Variants in UBE2L3 observed in about 807,000 individuals in gnomAD.
UBE2L3 encodes ubiquitin-conjugating enzyme E2 L3.
Under a neutral mutation model 17.8 loss-of-function variants are expected in UBE2L3, and 1 was observed. That is an observed-to-expected ratio of 0.06 (90% CI 0.02 to 0.27). The LOEUF (loss-of-function observed/expected upper bound fraction) is 0.27. Among genes scored for constraint, UBE2L3 ranks in the 10% least tolerant of loss-of-function variants. The pLI is 1.00. For missense variants in UBE2L3, 40 were observed against 192.6 expected, an observed-to-expected ratio of 0.21 and a Z score of 4.69; for synonymous variants, 44 against 68.5, an observed-to-expected ratio of 0.64 and a Z score of 1.76.
chr22:21,597,274 C>G (rs1199540370), intron 2 of UBE2L3, among the ~76,000 whole-genome samples: 2 of 152,110 alleles, frequency 1.3e-5, no homozygotes, highest in Non-Finnish European at 2.9e-5. Context: ...GCCACCGTGC[C>G]TGGCCTGATG....
intron 2 of UBE2L3, among the ~76,000 whole-genome samples, chr22:21,602,846 A>T (rs1269280820): frequency 1.3e-5 from 2 of 152,170 alleles, no homozygotes; most frequent in African/African-American, 4.8e-5. Flanking sequence ...GGTGATGAGG[A>T]TGGGCCCAGA....
intron 1 of UBE2L3, among the ~76,000 whole-genome samples, chr22:21,584,679 G>T (rs1255497475): frequency 6.7e-6 from 1 of 150,372 alleles, no homozygotes; most frequent in African/African-American, 2.4e-5. Context: ...TGATTTTCCC[G>T]CTTCGGCAAC....
At chr22:21,585,450 T>C (rs897635950) in intron 1 of UBE2L3, among the ~76,000 whole-genome samples, 4 of 152,198 alleles carry the variant, frequency 2.6e-5, no homozygotes, top group African/African-American at 9.6e-5. Flanking sequence ...TTCCCTGATA[T>C]GTGGTACCTA....
chr22:21,620,153 G>T (rs1249547635), intron 3 of UBE2L3, among the ~76,000 whole-genome samples: 1 of 152,002 alleles, frequency 6.6e-6, no homozygotes, highest in Non-Finnish European at 1.5e-5. Context: ...CAGGAGCAGT[G>T]GCTAACACCC....
At chr22:21,598,399 T>C (rs1193974072) in intron 2 of UBE2L3, among the ~76,000 whole-genome samples, 3 of 152,108 alleles carry the variant, frequency 2.0e-5, no homozygotes, top group East Asian at 3.9e-4. Flanking sequence ...CATTTTTTTT[T>C]CTGAGGATAT....
intron 1 of UBE2L3, among the ~76,000 whole-genome samples, chr22:21,586,512 C>A (rs1238622653): frequency 6.6e-6 from 1 of 151,056 alleles, no homozygotes; most frequent in Non-Finnish European, 1.5e-5. Context: ...CTCAAGTGAT[C>A]CGCCCACCTC....
chr22:21,568,784 C>A (rs1385743187), intron 1 of UBE2L3, among the ~76,000 whole-genome samples: 1 of 152,072 alleles, frequency 6.6e-6, no homozygotes, highest in East Asian at 1.9e-4. Flanking sequence ...AGATAAAGAG[C>A]TGGGGTTCGT....
chr22:21,592,474 G>A (rs1928317092), intron 1 of UBE2L3, among the ~76,000 whole-genome samples: 1 of 152,224 alleles, frequency 6.6e-6, no homozygotes, highest in East Asian at 1.9e-4. Flanking sequence ...TTGATTGGAA[G>A]GTATCAGGTG....
chr22:21,586,558 A>G (rs1222118800), intron 1 of UBE2L3, among the ~76,000 whole-genome samples: 1 of 146,442 alleles, frequency 6.8e-6, no homozygotes, highest in Non-Finnish European at 1.5e-5. Context: ...GGCTTGAGCC[A>G]CTGCACCCAG....
At chr22:21,556,299 G>A (rs1341663464) in intron 1 of UBE2L3, among the ~76,000 whole-genome samples, 2 of 152,228 alleles carry the variant, frequency 1.3e-5, no homozygotes, top group African/African-American at 4.8e-5. Flanking sequence ...GGAGGCTGAA[G>A]TGGGAGAATA....
intron 1 of UBE2L3, among the ~76,000 whole-genome samples, chr22:21,590,420 A>T (rs1568978458): frequency 6.6e-6 from 1 of 150,802 alleles, no homozygotes; most frequent in Non-Finnish European, 1.5e-5. Flanking sequence ...CTTGTCTCGA[A>T]CTCCTGACCT....
At chr22:21,601,631 A>G (rs962259254) in intron 2 of UBE2L3, among the ~76,000 whole-genome samples, 3 of 151,692 alleles carry the variant, frequency 2.0e-5, no homozygotes, top group Non-Finnish European at 4.4e-5. Flanking sequence ...AGCTCTTGAC[A>G]AGGTTCCAGA....
At chr22:21,604,288 C>T (rs1202745818) in intron 2 of UBE2L3, among the ~76,000 whole-genome samples, 1 of 152,016 alleles carries the variant, frequency 6.6e-6, no homozygotes, top group Non-Finnish European at 1.5e-5. Context: ...TTTTTGAGCT[C>T]AGGAGTTCAA....
chr22:21,564,331 T>C (rs978061215), upstream of UBE2L3, among the ~76,000 whole-genome samples: 1 of 152,072 alleles, frequency 6.6e-6, no homozygotes, highest in African/African-American at 2.4e-5. Context: ...ACCACAAGGT[T>C]ACTTCTGATG....
intron 3 of UBE2L3, among the ~76,000 whole-genome samples, chr22:21,613,649 A>G (rs1341064780): frequency 6.6e-6 from 1 of 152,206 alleles, no homozygotes; most frequent in Non-Finnish European, 1.5e-5. Context: ...TTTGTGGCTT[A>G]AAGTAATACC....
intron 3 of UBE2L3, among the ~76,000 whole-genome samples, chr22:21,612,271 A>G (rs1330402409): frequency 6.6e-6 from 1 of 152,110 alleles, no homozygotes. Flanking sequence ...TTTGTGTACA[A>G]GCTGATGTTT....
chr22:21,603,370 A>T (rs1198963505), intron 2 of UBE2L3, among the ~76,000 whole-genome samples: 1 of 151,762 alleles, frequency 6.6e-6, no homozygotes, highest in East Asian at 1.9e-4. Flanking sequence ...TCTAGTAAAA[A>T]TACAAAAAAA....
intron 3 of UBE2L3, among the ~76,000 whole-genome samples, chr22:21,619,414 A>G (rs1162397472): frequency 6.6e-6 from 1 of 152,044 alleles, no homozygotes; most frequent in Non-Finnish European, 1.5e-5. Flanking sequence ...TGCTGTTCAC[A>G]GTCCACCCTC....
rs866681151 is a variant in UBE2L3 at position 21,568,079 on chromosome 22, G to A, written c.27+308G>A. The stretch of plus-strand genomic sequence containing the variant: ...CGCGGAGGCCGCGGTCCGATCTGAG[G>A]GCGTCGTTAATGTGAGAGCCCGGTT... On this transcript the variant is annotated intron_variant, in intron 1 of 3. Transcript: ENST00000342192. 2.5e-4 allele frequency: 302 copies of A among 1,212,604 alleles called. No homozygotes were observed. In the Middle Eastern group the frequency reaches 4.9e-3, roughly 20 times the overall value. The allele number at this position is 1,212,604 out of a possible 1,614,324, so 75.1% of individuals were successfully genotyped here. A position where few individuals can be genotyped will look rare whatever the true frequency, so the allele number is the denominator to read the frequency against.
Sources: allele counts gnomAD v4.1 joint callset (sites outside exome capture counted in the v4.1 genomes callset), GRCh38; gene constraint gnomAD v4.1.1; transcripts MANE v1.5; gene names NCBI Gene and HGNC (gene_info 2026-07-23, HGNC 2026-07-21).